SORCS1: variants seen among roughly 807,000 people sequenced by gnomAD.
SORCS1 encodes VPS10 domain-containing receptor SorCS1.
SORCS1 carries 60 observed loss-of-function variants against 146.1 expected under a neutral mutation model. That is an observed-to-expected ratio of 0.41 (90% CI 0.33 to 0.51). SORCS1 has a LOEUF of 0.51. Ranked by LOEUF, SORCS1 falls within the 20% of genes least tolerant of loss-of-function variation. The pLI is 0.21. For missense variants in SORCS1, 1,352 were observed against 1,487.6 expected (o/e 0.91, Z 1.50); for synonymous variants, 637 against 584.0 (o/e 1.09, Z -1.31).
intron 2 of SORCS1, among the ~76,000 whole-genome samples, chr10:106,921,664 A>G (rs1297277347): frequency 6.6e-6 from 1 of 152,200 alleles, no homozygotes; most frequent in Non-Finnish European, 1.5e-5. Context: ...CATGCCTTGG[A>G]ACCATGACAT....
intron 1 of SORCS1, among the ~76,000 whole-genome samples, chr10:107,047,983 G>A (rs773718685): frequency 1.2e-4 from 18 of 152,140 alleles, no homozygotes; most frequent in South Asian, 1.0e-3. Flanking sequence ...TTCAGGAGGC[G>A]GAGGTGGGAG....
At chr10:107,110,323 C>A (rs1356743065) in intron 1 of SORCS1, among the ~76,000 whole-genome samples, 2 of 152,114 alleles carry the variant, frequency 1.3e-5, no homozygotes, top group South Asian at 2.1e-4. Context: ...ATACCTAAGA[C>A]AAGGTAATTT....
intron 19 of SORCS1, among the ~76,000 whole-genome samples, chr10:106,624,144 T>C (rs1477695779): frequency 6.6e-6 from 1 of 152,034 alleles, no homozygotes; most frequent in East Asian, 1.9e-4. Flanking sequence ...AGTGTGATGA[T>C]GGAAGACCTC....
At chr10:106,976,264 T>C (rs886080992) in intron 1 of SORCS1, among the ~76,000 whole-genome samples, 21 of 151,360 alleles carry the variant, frequency 1.4e-4, no homozygotes, top group African/African-American at 4.8e-4. Flanking sequence ...AACATGCAGG[T>C]TTGCTACATA....
intron 1 of SORCS1, among the ~76,000 whole-genome samples, chr10:107,119,181 T>G (rs1342430475): frequency 6.6e-6 from 1 of 152,244 alleles, no homozygotes; most frequent in Non-Finnish European, 1.5e-5. Context: ...AAAATTTCAC[T>G]GCAGATTTTG....
At chr10:106,841,117 G>T (rs919160821) in intron 2 of SORCS1, among the ~76,000 whole-genome samples, 1 of 150,734 alleles carries the variant, frequency 6.6e-6, no homozygotes, top group African/African-American at 2.4e-5. Flanking sequence ...GCCTCCAAAA[G>T]TGTTGGGATT....
At chr10:106,971,978 G>C (rs189310211) in intron 1 of SORCS1, among the ~76,000 whole-genome samples, 1 of 152,250 alleles carries the variant, frequency 6.6e-6, no homozygotes, top group South Asian at 2.1e-4. Flanking sequence ...GGTTGAAAGG[G>C]CTGGATTCTG....
intron 1 of SORCS1, among the ~76,000 whole-genome samples, chr10:106,992,546 G>A (rs1956808107): frequency 6.6e-6 from 1 of 151,972 alleles, no homozygotes. Flanking sequence ...AGGTACTGGA[G>A]TGCAGTGGCA....
At chr10:106,872,085 A>G (rs1950428759) in intron 2 of SORCS1, among the ~76,000 whole-genome samples, 1 of 152,264 alleles carries the variant, frequency 6.6e-6, no homozygotes, top group East Asian at 1.9e-4. Context: ...GAGTATGAAC[A>G]ATAAACAAAC....
chr10:106,854,387 G>A (rs962981442), intron 2 of SORCS1, among the ~76,000 whole-genome samples: 2 of 151,864 alleles, frequency 1.3e-5, no homozygotes, highest in African/African-American at 4.8e-5. Flanking sequence ...GTTAGGGCTT[G>A]TTTTTCTCAT....
At chr10:107,079,952 A>G (rs1215118963) in intron 1 of SORCS1, among the ~76,000 whole-genome samples, 1 of 152,236 alleles carries the variant, frequency 6.6e-6, no homozygotes, top group Non-Finnish European at 1.5e-5. Context: ...ATAAAAAACA[A>G]GAGAGATTTA....
At chr10:106,832,514 T>C (rs1948595264) in intron 2 of SORCS1, among the ~76,000 whole-genome samples, 1 of 152,062 alleles carries the variant, frequency 6.6e-6, no homozygotes, top group Non-Finnish European at 1.5e-5. Context: ...GTGTTTTGTC[T>C]TTTTTTCCAT....
chr10:107,091,406 C>T (rs892385989), intron 1 of SORCS1, among the ~76,000 whole-genome samples: 9 of 152,204 alleles, frequency 5.9e-5, no homozygotes, highest in Non-Finnish European at 1.2e-4. Flanking sequence ...TTAATGTGGT[C>T]ATATAAACAG....
At chr10:106,615,981 T>C (rs1847333010) in intron 21 of SORCS1, among the ~76,000 whole-genome samples, 2 of 152,178 alleles carry the variant, frequency 1.3e-5, no homozygotes, top group Non-Finnish European at 2.9e-5. Context: ...CTCATAAATC[T>C]GAGCAGATTT....
Position 107,018,299 on chromosome 10 carries a change from C to T in SORCS1, c.559-61719G>A, listed in dbSNP as rs938061617. 3.9e-5 allele frequency among the ~76,000 whole-genome samples: 6 copies of T among 152,120 alleles called. No individual in the cohort carries two copies. The East Asian group carries it at 5.8e-4, about 15-fold the overall frequency. On this transcript the variant is annotated intron_variant, in intron 1 of 25. Coordinates refer to ENST00000263054, the MANE Select transcript of SORCS1 (RefSeq NM_052918.5). Reference sequence around the variant, plus strand: ...ATGTCATTCTCCTGCCTCAGCCTCCCGGGTAGCTGGGACTACAGGCACCCG... The same window carrying T: ...ATGTCATTCTCCTGCCTCAGCCTCCTGGGTAGCTGGGACTACAGGCACCCG...
chr10:106,732,925 C>A (rs775002699), intron 5 of SORCS1, among the ~76,000 whole-genome samples: 2 of 151,860 alleles, frequency 1.3e-5, no homozygotes, highest in African/African-American at 4.8e-5. Context: ...TTGAGACCAT[C>A]CTGGCCAACA....
chr10:106,589,147 A>G (rs1292848457), intron 24 of SORCS1, among the ~76,000 whole-genome samples: 2 of 152,190 alleles, frequency 1.3e-5, no homozygotes, highest in Non-Finnish European at 2.9e-5. Flanking sequence ...AAGTCCCACC[A>G]TCCAAATTGC....
chr10:106,740,499 T>C (rs1268599961), intron 5 of SORCS1, among the ~76,000 whole-genome samples: 2 of 152,204 alleles, frequency 1.3e-5, no homozygotes, highest in African/African-American at 4.8e-5. Context: ...CTGTACCTTG[T>C]GAAGCTTACA....
At chr10:106,658,459 C>T (rs1044483877) in intron 17 of SORCS1, among the ~76,000 whole-genome samples, 23 of 152,028 alleles carry the variant, frequency 1.5e-4, no homozygotes, top group African/African-American at 4.6e-4. Context: ...CATTGAGCAA[C>T]GGTGGTCCTC....
Sources: allele counts gnomAD v4.1 joint callset (sites outside exome capture counted in the v4.1 genomes callset), GRCh38; gene constraint gnomAD v4.1.1; transcripts MANE v1.5; gene names NCBI Gene and HGNC (gene_info 2026-07-23, HGNC 2026-07-21).